RBM46: variants seen among roughly 807,000 people sequenced by gnomAD.
The protein encoded by RBM46 is probable RNA-binding protein 46.
Under a neutral mutation model 43.3 loss-of-function variants are expected in RBM46, and 12 were observed. The observed-to-expected ratio is 0.28, with a 90% confidence interval of 0.18 to 0.45. The LOEUF (loss-of-function observed/expected upper bound fraction) is 0.45. Among genes scored for constraint, RBM46 ranks in the 20% least tolerant of loss-of-function variants. The probability of loss-of-function intolerance (pLI) is 1.00; values close to 1 mark genes in which losing one functional copy is unlikely to be tolerated. For synonymous variants in RBM46, 205 were observed against 207.6 expected (o/e 0.99, Z 0.11); for missense variants, 412 against 639.1 (o/e 0.64, Z 3.83).
chr4:154,806,259 A>C (rs1316061875), intron 4 of RBM46, among the ~76,000 whole-genome samples: 2 of 151,844 alleles, frequency 1.3e-5, no homozygotes, highest in East Asian at 3.9e-4. Flanking sequence ...ACAGTGAGAG[A>C]AGCAGCTTAA....
At chr4:154,788,548 C>T (rs1431548647) in intron 1 of RBM46, among the ~76,000 whole-genome samples, 1 of 152,094 alleles carries the variant, frequency 6.6e-6, no homozygotes, top group Non-Finnish European at 1.5e-5. Flanking sequence ...TGGTCTATAT[C>T]TCTGTTTTGG....
At chr4:154,827,002 C>T (rs2042622) in intron 4 of RBM46, 175,854 of 1,263,268 alleles carry the variant, frequency 0.14, 15,247 homozygotes, top group East Asian at 0.46. Flanking sequence ...TAGTCATTGT[C>T]ACACCCTTGG....
intron 4 of RBM46, among the ~76,000 whole-genome samples, chr4:154,811,316 A>G (rs1735160737): frequency 6.6e-6 from 1 of 152,168 alleles, no homozygotes; most frequent in African/African-American, 2.4e-5. Context: ...TTCACATTCT[A>G]GCTTCATTAC....
chr4:154,792,269 T>TGTATA (rs1734133809), intron 1 of RBM46, among the ~76,000 whole-genome samples: 1 of 152,194 alleles, frequency 6.6e-6, no homozygotes, highest in South Asian at 2.1e-4. Flanking sequence ...AATGAGATAA[T>TGTATA]GTATATAAAG....
In RBM46 at chr4:154,811,661, GTGTGTGTC is replaced by G. The variant is rs1161497978; in HGVS notation, c.1402+12105_1402+12112del. 3.4e-3 allele frequency among the ~76,000 whole-genome samples: 426 copies of G among 125,154 alleles called. 1 individual carries two copies. Among genetic ancestry groups the G allele is most frequent in the Non-Finnish European group, 4.5e-3 (263 of 58,510 alleles). The allele number at this position is 125,154 out of a possible 152,430, so 82.1% of individuals were successfully genotyped here. On this transcript the variant is annotated intron_variant, in intron 4 of 4. Transcript: ENST00000281722. ...TGTGGTAGATAGGATATGTGTGTGT[GTGTGTGTC>G]TGTGTGTGTGTGTGTGTGTGTGTGT...
intron 4 of RBM46, among the ~76,000 whole-genome samples, chr4:154,814,816 A>G (rs918112652): frequency 1.3e-5 from 2 of 151,542 alleles, no homozygotes; most frequent in Admixed American, 6.6e-5. Context: ...TATATATATC[A>G]CTGGCAGGTT....
chr4:154,797,274 G>A (rs156504), intron 2 of RBM46, among the ~76,000 whole-genome samples: 5 of 152,150 alleles, frequency 3.3e-5, no homozygotes, highest in South Asian at 4.1e-4. Flanking sequence ...ATGGAAACAG[G>A]TAAATAGAAT....
At chr4:154,791,276 A>G (rs1187135418) in intron 1 of RBM46, among the ~76,000 whole-genome samples, 3 of 152,220 alleles carry the variant, frequency 2.0e-5, no homozygotes. Context: ...AGGTGTGTTT[A>G]GACATCGAAC....
At chr4:154,811,170 T>G (rs894588358) in intron 4 of RBM46, among the ~76,000 whole-genome samples, 1 of 152,148 alleles carries the variant, frequency 6.6e-6, no homozygotes, top group East Asian at 1.9e-4. Context: ...TGACCTGACC[T>G]AAACTGGTAT....
intron 4 of RBM46, chr4:154,820,218 C>A: frequency 2.3e-6 from 1 of 427,194 alleles, no homozygotes; most frequent in Non-Finnish European, 4.1e-6. Context: ...AACTATTTGC[C>A]CCTTACTTCT....
chr4:154,826,571 A>G (rs1735973929), intron 4 of RBM46, among the ~76,000 whole-genome samples: 1 of 152,192 alleles, frequency 6.6e-6, no homozygotes, highest in African/African-American at 2.4e-5. Flanking sequence ...TCATTTTCAA[A>G]ATAGTGAAAA....
intron 4 of RBM46, among the ~76,000 whole-genome samples, chr4:154,814,995 C>CT (rs1396246027): frequency 6.6e-6 from 1 of 151,938 alleles, no homozygotes; most frequent in Non-Finnish European, 1.5e-5. Context: ...CCAAAAGACT[C>CT]TTTTGTATTT....
chr4:154,827,393 C>CTAGT, intron 4 of RBM46: 1 of 986,538 alleles, frequency 1.0e-6, no homozygotes, highest in Non-Finnish European at 1.2e-6. Flanking sequence ...TATTGGCCAG[C>CTAGT]TAGTTTATAC....
rs1223111768 is a variant in RBM46, at chr4:154,798,294, GT to G, written c.619+21del. 4.7e-6 allele frequency: 7 copies of G among 1,483,256 alleles called. No homozygotes were observed. Among genetic ancestry groups the G allele is most frequent in the Non-Finnish European group, 6.4e-6 (7 of 1,094,908 alleles). 91.9% of individuals were successfully genotyped at this position (1,483,256 alleles called of 1,614,324 possible). A position where few individuals can be genotyped will look rare whatever the true frequency, so the allele number is the denominator to read the frequency against. On this transcript the variant is annotated intron_variant, in intron 3 of 4. Transcript: ENST00000281722. ...CTAATTCCAGGTAAACTGAAAGGTTGTTTTTCAATATTAACATTATTACAAA... is the reference window on the plus strand; with the variant it reads ...CTAATTCCAGGTAAACTGAAAGGTTGTTTTCAATATTAACATTATTACAAA...
At chr4:154,817,219 A>C (rs1279216257) in intron 4 of RBM46, among the ~76,000 whole-genome samples, 1 of 152,016 alleles carries the variant, frequency 6.6e-6, no homozygotes, top group Non-Finnish European at 1.5e-5. Flanking sequence ...GAATATGTGG[A>C]ATATTATTTA....
At chr4:154,798,596 A>T (rs1734461700) in intron 3 of RBM46, among the ~76,000 whole-genome samples, 186 bp from the exon 4 acceptor site, 1 of 152,192 alleles carries the variant, frequency 6.6e-6, no homozygotes, top group Non-Finnish European at 1.5e-5. Flanking sequence ...TTGACTCTGA[A>T]ATTACATAGT....
chr4:154,825,718 C>T (rs1735925800), intron 4 of RBM46, among the ~76,000 whole-genome samples: 1 of 152,150 alleles, frequency 6.6e-6, no homozygotes, highest in South Asian at 2.1e-4. Flanking sequence ...AAGCATTATG[C>T]TAGTAGCCAA....
At position 154,798,959 on chromosome 4, in the gene RBM46, G is replaced by A. The variant is rs1222362262; in HGVS notation, c.797G>A (p.Arg266Gln). The A allele has an allele frequency of 2.5e-6, 4 of 1,613,728 alleles. No homozygotes were observed. The highest frequency in any genetic ancestry group is 3.4e-6 in the Non-Finnish European group (4 of 1,179,880). ...FNKFKPGAVE[R>Q]VKKLRDYAFV... ...AAATTTAAGCCTGGTGCAGTTGAAC[G>A]GGTAAAGAAACTTAGAGATTATGCT... Residue 266 changes from arginine to glutamine, a missense_variant, in exon 4 of 5, where the codon CGG (arginine) becomes CAG (glutamine). This residue lies in a region of RBM46 where 54 missense variants were observed against 102.5 expected (regional missense o/e 0.53). Coordinates refer to ENST00000281722, the MANE Select transcript of RBM46 (RefSeq NM_144979.5).
intron 4 of RBM46, among the ~76,000 whole-genome samples, chr4:154,822,461 T>G (rs1735762619): frequency 6.6e-6 from 1 of 151,750 alleles, no homozygotes; most frequent in Non-Finnish European, 1.5e-5. Flanking sequence ...ATGATAGGTA[T>G]TATTTATGCT....
Sources: allele counts gnomAD v4.1 joint callset (sites outside exome capture counted in the v4.1 genomes callset), GRCh38; gene constraint gnomAD v4.1.1; regional missense constraint gnomAD v4.1.1; transcripts MANE v1.5; gene names NCBI Gene and HGNC (gene_info 2026-07-23, HGNC 2026-07-21).